Variants in NUGGC observed in about 807,000 individuals in gnomAD.
The protein encoded by NUGGC is nuclear GTPase SLIP-GC.
NUGGC carries 58 observed loss-of-function variants against 92.6 expected under a neutral mutation model. The observed-to-expected ratio is 0.63, with a 90% CI of 0.51 to 0.78. The LOEUF (loss-of-function observed/expected upper bound fraction) is 0.78. Ranked by LOEUF, NUGGC falls within the 30% of genes least tolerant of loss-of-function variation. The pLI, the probability that NUGGC is intolerant of heterozygous loss-of-function variation, is 0.00. For missense variants in NUGGC, 925 were observed against 964.6 expected (o/e 0.96, Z 0.54); for synonymous variants, 376 against 366.4 (o/e 1.03, Z -0.30).
rs1205700296 is a variant in NUGGC, at chr8:28,060,612, T to C, written c.922-11A>G. On this transcript the variant is annotated splice_polypyrimidine_tract_variant and intron_variant, in intron 7 of 18. Coordinates refer to ENST00000413272, the MANE Select transcript of NUGGC (RefSeq NM_001010906.2). ...GCACTTGTCAATGGTCTGCAAAACA[T>C]GACCACGGCATGTGTCAGCACAGGA... 8.1e-6 allele frequency: 13 copies of C among 1,607,048 alleles called. No homozygotes were observed. Among genetic ancestry groups the C allele is most frequent in the Non-Finnish European group, 1.0e-5 (12 of 1,176,626 alleles).
At chr8:28,030,258 G>T in intron 16 of NUGGC, 52 bp downstream of exon 16, 2 of 981,172 alleles carry the variant, frequency 2.0e-6, no homozygotes, top group Non-Finnish European at 3.2e-6. Flanking sequence ...TGCGAAAGAT[G>T]CTGACAGAAA....
At chr8:28,061,399 G>C (rs1317702962) in intron 7 of NUGGC, among the ~76,000 whole-genome samples, 1 of 152,138 alleles carries the variant, frequency 6.6e-6, no homozygotes, top group Non-Finnish European at 1.5e-5. Flanking sequence ...TGTTACTCTT[G>C]TCTTACCTCC....
intron 13 of NUGGC, among the ~76,000 whole-genome samples, chr8:28,036,697 T>C (rs1303679395): frequency 6.6e-6 from 1 of 152,236 alleles, no homozygotes; most frequent in African/African-American, 2.4e-5. Context: ...CATCTCCCCA[T>C]GTCTGAACTA....
chr8:28,081,691 A>T (rs1454816330), intron 1 of NUGGC, among the ~76,000 whole-genome samples: 1 of 152,126 alleles, frequency 6.6e-6, no homozygotes, highest in East Asian at 1.9e-4. Flanking sequence ...ATCCTGGCTA[A>T]CTCGGTGAAA....
chr8:28,080,539 G>T (rs1810824905), intron 1 of NUGGC, among the ~76,000 whole-genome samples: 1 of 151,918 alleles, frequency 6.6e-6, no homozygotes, highest in Non-Finnish European at 1.5e-5. Context: ...CATTAACATT[G>T]GTTTACTCTC....
At position 28,023,549 on chromosome 8, in the gene NUGGC, C is replaced by T. The variant is rs189690578; in HGVS notation, c.2246-87G>A. 2.6e-5 allele frequency: 34 copies of T among 1,333,154 alleles called. No individual in the cohort carries two copies. In the Admixed American group the frequency reaches 3.7e-4, roughly 15 times the overall value. The allele number at this position is 1,333,154 out of a possible 1,614,324, so 82.6% of individuals were successfully genotyped here. A position where few individuals can be genotyped will look rare whatever the true frequency, so the allele number is the denominator to read the frequency against. Reference sequence around the variant, plus strand: ...AGCAAATCCCCCAACAATCCTGTCACTTGTCCCAGAATATGAGATCTGGAG... The same window carrying T: ...AGCAAATCCCCCAACAATCCTGTCATTTGTCCCAGAATATGAGATCTGGAG... On this transcript the variant is annotated intron_variant, in intron 18 of 18. Transcript: ENST00000413272.
intron 13 of NUGGC, 75 bp downstream of exon 13, chr8:28,040,976 G>A: frequency 7.2e-7 from 1 of 1,393,932 alleles, no homozygotes. Flanking sequence ...GAAGGGAATG[G>A]GATGATGCAA....
intron 1 of NUGGC, among the ~76,000 whole-genome samples, chr8:28,083,170 A>G (rs1452644563): frequency 1.3e-5 from 2 of 152,220 alleles, no homozygotes; most frequent in Non-Finnish European, 2.9e-5. Context: ...GGATCACCTT[A>G]TAGCAGAGAA....
rs781492460 is a variant in NUGGC at position 28,069,731 on chromosome 8, A to C, written c.149-79T>G. The C allele has an allele frequency of 4.9e-6, 4 of 824,038 alleles. No individual in the cohort carries two copies. The South Asian group carries it at 5.4e-5, about 11-fold the overall frequency. The allele number at this position is 824,038 out of a possible 1,614,324, so 51.0% of individuals were successfully genotyped here. On this transcript the variant is annotated intron_variant, in intron 3 of 18. Coordinates refer to ENST00000413272, the MANE Select transcript of NUGGC (RefSeq NM_001010906.2). Reference sequence around the variant, plus strand: ...AGGTCTCCAAAGGAGGTGTCTGTTGAACATCGCAGAGAAGGGAAAAAAAAA... The same window carrying C: ...AGGTCTCCAAAGGAGGTGTCTGTTGCACATCGCAGAGAAGGGAAAAAAAAA...
At chr8:28,072,743 T>C (rs1196461403) in intron 2 of NUGGC, among the ~76,000 whole-genome samples, 1 of 151,826 alleles carries the variant, frequency 6.6e-6, no homozygotes, top group Non-Finnish European at 1.5e-5. Flanking sequence ...CATACGAGGG[T>C]AGTATTTTTA....
At chr8:28,061,355 C>T (rs993326856) in intron 7 of NUGGC, among the ~76,000 whole-genome samples, 3 of 152,296 alleles carry the variant, frequency 2.0e-5, no homozygotes, top group East Asian at 1.9e-4. Flanking sequence ...ACATGACGAT[C>T]ATGTGTAGCC....
chr8:28,041,961 G>T lies in NUGGC; in HGVS notation c.1447-746C>A, dbSNP rs118070242. ...TAGCTCCCATAATTCCACGTGTTGTGGGGGGGACCTGGTGGGAGATAATTG... is the reference window on the plus strand; with the variant it reads ...TAGCTCCCATAATTCCACGTGTTGTTGGGGGGACCTGGTGGGAGATAATTG... On this transcript the variant is annotated intron_variant, in intron 12 of 18. Coordinates refer to ENST00000413272, the MANE Select transcript of NUGGC (RefSeq NM_001010906.2). 6.7e-4 allele frequency among the ~76,000 whole-genome samples: 102 copies of T among 152,154 alleles called. 2 individuals carry two copies. In the East Asian group the frequency reaches 0.015, roughly 23 times the overall value.
rs1810388260 is a variant in NUGGC, at chr8:28,064,533, T to C, written c.910A>G (p.Met304Val). 1.2e-6 allele frequency: 2 copies of C among 1,613,974 alleles called. No homozygotes were observed. Among genetic ancestry groups the C allele is most frequent in the Non-Finnish European group, 1.7e-6 (2 of 1,179,840 alleles). The change falls in exon 7 of 19, where the codon ATG becomes GTG. Residue 304 changes from methionine to valine, a missense_variant. Physicochemically the swap from Met to Val is conservative, Grantham distance 21. Coordinates refer to ENST00000413272, the MANE Select transcript of NUGGC (RefSeq NM_001010906.2). The part of the protein sequence containing the change: ...TGDFNSKRDE[M>V]WKKTIDKCSV... ...CGAAAGACAGTCACCTTTTTCCACA[T>C]CTCGTCCCTCTTGCTGTTGAAGTCG...
intron 1 of NUGGC, among the ~76,000 whole-genome samples, chr8:28,081,074 C>T (rs534582569): frequency 6.6e-6 from 1 of 152,206 alleles, no homozygotes; most frequent in African/African-American, 2.4e-5. Flanking sequence ...ATTCTAGCAC[C>T]TTGGGAGGCC....
At chr8:28,046,078 A>T (rs1369422645) in intron 11 of NUGGC, among the ~76,000 whole-genome samples, 1 of 152,134 alleles carries the variant, frequency 6.6e-6, no homozygotes, top group Non-Finnish European at 1.5e-5. Context: ...TGCTTGCTGT[A>T]GAAAGGAACA....
rs868493288 is a variant in NUGGC at position 28,047,579 on chromosome 8, C to T, written c.1240G>A (p.Ala414Thr). The change falls in exon 11 of 19, where the codon GCC becomes ACC. Residue 414 changes from alanine (A) to threonine (T), a missense_variant. Transcript: ENST00000413272. ...CTGACTGTATACACCAGATCTGAGG[C>T]TTCCAGAACCTTGAAGTCAGCTGGC... is the stretch of plus-strand genomic sequence containing the variant. ...KLPADFKVLE[A>T]SDLVYTVSAQ... The T allele has an allele frequency of 1.3e-6, 2 of 1,565,206 alleles. No homozygotes were observed. The highest frequency in any genetic ancestry group is 1.4e-5 in the African/African-American group (1 of 73,832).
In NUGGC at chr8:28,069,564, A is replaced by C. The variant is rs1010770024; in HGVS notation, c.237T>G (p.Pro79=). 2 of 1,589,690 alleles carry C rather than the reference A, an allele frequency of 1.3e-6. No individual in the cohort carries two copies. Among genetic ancestry groups the C allele is most frequent in the African/African-American group, 2.7e-5 (2 of 74,350 alleles). The change falls in exon 4 of 19, where the codon CCT becomes CCG. Residue 79 remains proline, a synonymous_variant. Transcript: ENST00000413272. ...IQSVFLDDSI[P]NGVKYLINRL... Reference sequence around the variant, plus strand: ...CTCACATGAGATACTTGACTCCATTAGGGATGCTGTCATCCAGGAAGACAG... The same window carrying C: ...CTCACATGAGATACTTGACTCCATTCGGGATGCTGTCATCCAGGAAGACAG...
At chr8:28,047,709 C>T (rs188712279) in intron 10 of NUGGC, 97 bp from the exon 11 acceptor site, 534 of 680,438 alleles carry the variant, frequency 7.8e-4, no homozygotes, top group Non-Finnish European at 1.2e-3. Context: ...AATTTCAGCT[C>T]ACTCATTTTC....
At chr8:28,027,137 C>G (rs1290329310) in intron 17 of NUGGC, 85 bp from the exon 18 acceptor site, 1 of 1,107,036 alleles carries the variant, frequency 9.0e-7, no homozygotes, top group Non-Finnish European at 1.4e-6. Context: ...CCCAGTCCCC[C>G]AGCCACGGAA....
Sources: gnomAD v4.1 joint callset for allele counts (sites outside exome capture counted in the v4.1 genomes callset) on GRCh38, gnomAD v4.1.1 for gene constraint, MANE v1.5 for transcripts, NCBI Gene and HGNC (gene_info 2026-07-23, HGNC 2026-07-21) for gene names.